The following ZNF521 variants were observed in gnomAD, a reference collection of about 807,000 sequenced individuals.
The protein encoded by ZNF521 is LYST-interacting protein 3.
In ZNF521, 14 loss-of-function variants were observed where a neutral mutation model predicts 105.5. The ratio of observed to expected loss-of-function variants is 0.13; its 90% CI spans 0.09 to 0.21. ZNF521 has a LOEUF of 0.21. Ranked by LOEUF, ZNF521 falls within the 10% of genes least tolerant of loss-of-function variation. The pLI is 1.00. For missense variants in ZNF521, 1,233 were observed against 1,629.7 expected, an observed-to-expected ratio of 0.76 and a Z score of 4.19; for synonymous variants, 635 against 606.0, an observed-to-expected ratio of 1.05 and a Z score of -0.70.
chr18:25,280,916 C>G (rs1910332273), intron 3 of ZNF521, among the ~76,000 whole-genome samples: 1 of 152,120 alleles, frequency 6.6e-6, no homozygotes, highest in Admixed American at 6.6e-5. Flanking sequence ...ATGACAAAGG[C>G]TTCTAAATAC....
At chr18:25,134,424 A>T (rs932794751) in intron 5 of ZNF521, among the ~76,000 whole-genome samples, 1 of 152,158 alleles carries the variant, frequency 6.6e-6, no homozygotes, top group Non-Finnish European at 1.5e-5. Flanking sequence ...ACACAAATCA[A>T]TGGTGTATTG....
intron 2 of ZNF521, among the ~76,000 whole-genome samples, chr18:25,345,896 G>C (rs186556612): frequency 1.1e-3 from 167 of 152,194 alleles, no homozygotes; most frequent in African/African-American, 3.7e-3. Context: ...CCAATAATCA[G>C]GCTTTTTAGC....
chr18:25,124,105 C>T (rs1010688289), intron 5 of ZNF521, among the ~76,000 whole-genome samples: 20 of 151,970 alleles, frequency 1.3e-4, no homozygotes, highest in African/African-American at 4.1e-4. Context: ...AACAAGAAGC[C>T]GACAGAATGC....
At chr18:25,165,963 T>C (rs145781564) in intron 5 of ZNF521, among the ~76,000 whole-genome samples, 2 of 152,318 alleles carry the variant, frequency 1.3e-5, no homozygotes, top group East Asian at 3.9e-4. Flanking sequence ...ACTCTGTGTG[T>C]TTAATTGGCT....
At chr18:25,322,607 C>G (rs55672853) in intron 2 of ZNF521, among the ~76,000 whole-genome samples, 1 of 149,838 alleles carries the variant, frequency 6.7e-6, no homozygotes, top group African/African-American at 2.5e-5. Flanking sequence ...TACTCTTTCA[C>G]GGGAAATTAC....
At chr18:25,173,797 G>C (rs916410077) in intron 5 of ZNF521, among the ~76,000 whole-genome samples, 1 of 152,078 alleles carries the variant, frequency 6.6e-6, no homozygotes, top group Non-Finnish European at 1.5e-5. Flanking sequence ...CTTTAACACA[G>C]AACATCCACT....
At chr18:25,218,662 A>C (rs1191208715) in intron 4 of ZNF521, among the ~76,000 whole-genome samples, 14 of 146,292 alleles carry the variant, frequency 9.6e-5, no homozygotes, top group South Asian at 2.2e-4. Flanking sequence ...AGAGAAAAAA[A>C]CCCGTCTCTA....
intron 3 of ZNF521, among the ~76,000 whole-genome samples, chr18:25,314,219 T>C (rs1912480208): frequency 6.6e-6 from 1 of 152,216 alleles, no homozygotes; most frequent in African/African-American, 2.4e-5. Context: ...CTAAGCAGTT[T>C]CAATCTGCTT....
At chr18:25,143,189 T>A (rs1266991131) in intron 5 of ZNF521, among the ~76,000 whole-genome samples, 1 of 152,164 alleles carries the variant, frequency 6.6e-6, no homozygotes. Context: ...GAACATAGTA[T>A]CAAAGAGTGG....
At chr18:25,262,500 T>A (rs1478846220) in intron 3 of ZNF521, among the ~76,000 whole-genome samples, 1 of 152,218 alleles carries the variant, frequency 6.6e-6, no homozygotes, top group East Asian at 1.9e-4. Context: ...ATCCACATCT[T>A]AGCATGAATT....
intron 7 of ZNF521, among the ~76,000 whole-genome samples, chr18:25,081,204 C>T (rs1031121514): frequency 3.3e-5 from 5 of 152,296 alleles, no homozygotes; most frequent in Non-Finnish European, 5.9e-5. Flanking sequence ...TCCATAAAGC[C>T]GCACTGATGG....
chr18:25,210,695 A>T (rs1253272964), intron 4 of ZNF521, among the ~76,000 whole-genome samples: 4 of 152,140 alleles, frequency 2.6e-5, no homozygotes, highest in Non-Finnish European at 5.9e-5. Flanking sequence ...ATTATTTACA[A>T]GTGTTTACAA....
At chr18:25,330,514 C>T (rs1913508607) in intron 2 of ZNF521, among the ~76,000 whole-genome samples, 1 of 152,144 alleles carries the variant, frequency 6.6e-6, no homozygotes, top group African/African-American at 2.4e-5. Context: ...GCCCCAAAGA[C>T]ACTTCTCAGG....
chr18:25,221,790 T>G (rs151266620), intron 4 of ZNF521, among the ~76,000 whole-genome samples: 151 of 152,284 alleles, frequency 9.9e-4, no homozygotes, highest in African/African-American at 3.5e-3. Context: ...TTATAGAAAT[T>G]TAACTTGGCT....
intron 5 of ZNF521, among the ~76,000 whole-genome samples, chr18:25,150,140 C>T (rs192222506): frequency 4.0e-4 from 61 of 152,242 alleles, no homozygotes; most frequent in Admixed American, 4.0e-3. Context: ...TTGGATGGAA[C>T]TGGAGACCAT....
In ZNF521 at chr18:25,284,904, G is replaced by A. The variant is rs550254321; in HGVS notation, c.220+37104C>T. On this transcript the variant is annotated intron_variant, in intron 3 of 7. Coordinates refer to ENST00000361524, the MANE Select transcript of ZNF521 (RefSeq NM_015461.3). ...ACTACACAAACACTCATGTGCGTGC[G>A]CGCGCGCACACACACACACACACAC... Among the ~76,000 whole-genome samples the A allele has an allele frequency of 1.1e-3, 158 of 145,952 alleles. 1 individual carries two copies. The highest frequency in any genetic ancestry group is 3.6e-3 in the African/African-American group (137 of 37,770).
intron 3 of ZNF521, among the ~76,000 whole-genome samples, chr18:25,305,221 C>T (rs1038879272): frequency 1.4e-4 from 21 of 152,294 alleles, no homozygotes; most frequent in African/African-American, 2.2e-4. Flanking sequence ...ATGATGCTTA[C>T]GCTTGCCTAC....
At chr18:25,222,077 C>T (rs1315665007) in intron 4 of ZNF521, among the ~76,000 whole-genome samples, 2 of 151,958 alleles carry the variant, frequency 1.3e-5, no homozygotes, top group Non-Finnish European at 2.9e-5. Flanking sequence ...AAACTAAATC[C>T]TAATATCTCA....
At chr18:25,143,890 TACATGAAACA>T (rs1487148697) in intron 5 of ZNF521, among the ~76,000 whole-genome samples, 1 of 152,214 alleles carries the variant, frequency 6.6e-6, no homozygotes, top group Non-Finnish European at 1.5e-5. Flanking sequence ...TTTTCACTGG[TACATGAAACA>T]ACCTTTTGGT....
Sources: gnomAD v4.1 joint callset for allele counts (sites outside exome capture counted in the v4.1 genomes callset) on GRCh38, gnomAD v4.1.1 for gene constraint, MANE v1.5 for transcripts, NCBI Gene and HGNC (gene_info 2026-07-23, HGNC 2026-07-21) for gene names.